Variants in HIPK2 observed in about 807,000 individuals in gnomAD.
The protein encoded by HIPK2 is homeodomain-interacting protein kinase 2.
In HIPK2, 27 loss-of-function variants were observed where a neutral mutation model predicts 113.7. The ratio of observed to expected loss-of-function variants is 0.24; its 90% CI spans 0.17 to 0.33. HIPK2 has a LOEUF of 0.33. HIPK2 is among the 10% of genes least tolerant of loss of function. The pLI, the probability that HIPK2 is intolerant of heterozygous loss-of-function variation, is 1.00. For missense variants in HIPK2, 1,257 were observed against 1,588.0 expected (o/e 0.79, Z 3.54); for synonymous variants, 631 against 642.2 (o/e 0.98, Z 0.26).
intron 2 of HIPK2, among the ~76,000 whole-genome samples, chr7:139,653,242 G>A (rs773663733): frequency 2.0e-5 from 3 of 151,776 alleles, no homozygotes; most frequent in African/African-American, 4.8e-5. Flanking sequence ...CAGAAACAGC[G>A]TCACTGTCAT....
At chr7:139,723,353 C>A (rs142063939) in intron 1 of HIPK2, among the ~76,000 whole-genome samples, 208 of 152,156 alleles carry the variant, frequency 1.4e-3, no homozygotes, top group African/African-American at 4.6e-3. Flanking sequence ...GCCACCACGC[C>A]CAGCTAATAT....
rs372967609 is a variant in HIPK2 at position 139,748,030 on chromosome 7, A to AT, written c.19+29574dup. ...TGACATTTAAACTTGCAGGTGGCCA[A>AT]TTTTTTTTTTTAACTGTCACTTTGT... is the stretch of plus-strand genomic sequence containing the variant. On this transcript the variant is annotated intron_variant, in intron 1 of 14. Coordinates refer to ENST00000406875, the MANE Select transcript of HIPK2 (RefSeq NM_022740.5). Among the ~76,000 whole-genome samples, 1,424 of 148,314 alleles carry AT rather than the reference A, an allele frequency of 9.6e-3. 24 individuals are homozygous for AT. Among genetic ancestry groups the AT allele is most frequent in the African/African-American group, 0.033 (1,325 of 40,580 alleles).
At chr7:139,644,179 A>G (rs1253227513) in intron 2 of HIPK2, among the ~76,000 whole-genome samples, 1 of 151,718 alleles carries the variant, frequency 6.6e-6, no homozygotes, top group Non-Finnish European at 1.5e-5. Context: ...CTTTTTTTTT[A>G]ATTATGAAAG....
intron 2 of HIPK2, among the ~76,000 whole-genome samples, chr7:139,701,605 G>A (rs1056207462): frequency 1.2e-4 from 18 of 152,148 alleles, no homozygotes; most frequent in Non-Finnish European, 2.5e-4. Context: ...CGTGTTCACC[G>A]TACAACCAGT....
At chr7:139,713,210 G>A (rs1441486811) in intron 2 of HIPK2, among the ~76,000 whole-genome samples, 2 of 152,126 alleles carry the variant, frequency 1.3e-5, no homozygotes, top group East Asian at 3.9e-4. Context: ...CAGCAAACCA[G>A]CCTACCACAC....
intron 1 of HIPK2, among the ~76,000 whole-genome samples, chr7:139,741,104 G>T (rs1476350850): frequency 6.6e-6 from 1 of 152,132 alleles, no homozygotes; most frequent in African/African-American, 2.4e-5. Context: ...CTGAGATCGC[G>T]CCACTGCACT....
At chr7:139,646,243 G>A (rs1801217692) in intron 2 of HIPK2, among the ~76,000 whole-genome samples, 1 of 152,134 alleles carries the variant, frequency 6.6e-6, no homozygotes, top group Non-Finnish European at 1.5e-5. Flanking sequence ...CCCATGCACT[G>A]CCAGCACTTT....
chr7:139,563,809 G>A lies in HIPK2; in HGVS notation c.*9118C>T. 1 of 398,554 alleles carries A rather than the reference G, an allele frequency of 2.5e-6. No individual in the cohort carries two copies. Among genetic ancestry groups the A allele is most frequent in the Non-Finnish European group, 4.4e-6 (1 of 226,056 alleles). 24.7% of individuals were successfully genotyped at this position (398,554 alleles called of 1,614,324 possible). On this transcript the variant is annotated 3_prime_UTR_variant, in exon 15 of 15. Coordinates refer to ENST00000406875, the MANE Select transcript of HIPK2 (RefSeq NM_022740.5). ...TTTTTGTATTTTTTAAAAGCTCCCT[G>A]GTCCCAGGTGTTTTGCAGTTTTCAA...
intron 1 of HIPK2, among the ~76,000 whole-genome samples, chr7:139,745,146 C>G (rs2117091121): frequency 6.6e-6 from 1 of 152,330 alleles, no homozygotes; most frequent in Non-Finnish European, 1.5e-5. Flanking sequence ...GGTCAACAGG[C>G]ATTCACCAAC....
intron 2 of HIPK2, among the ~76,000 whole-genome samples, chr7:139,674,155 C>T (rs1036697709): frequency 7.2e-5 from 11 of 151,734 alleles, no homozygotes; most frequent in East Asian, 1.9e-4. Context: ...ATAAAAAAGA[C>T]GGTGCCAATA....
chr7:139,676,286 C>T (rs561823619), intron 2 of HIPK2, among the ~76,000 whole-genome samples: 1 of 152,330 alleles, frequency 6.6e-6, no homozygotes, highest in East Asian at 1.9e-4. Flanking sequence ...TTTGCTAACC[C>T]TGGCAAGGGA....
At chr7:139,747,901 C>T (rs753042057) in intron 1 of HIPK2, among the ~76,000 whole-genome samples, 1 of 152,196 alleles carries the variant, frequency 6.6e-6, no homozygotes, top group Non-Finnish European at 1.5e-5. Context: ...GGCCACATTT[C>T]AAGTGCTTAC....
At chr7:139,771,783 G>A (rs1243621936) in intron 1 of HIPK2, among the ~76,000 whole-genome samples, 4 of 152,174 alleles carry the variant, frequency 2.6e-5, no homozygotes, top group Non-Finnish European at 4.4e-5. Flanking sequence ...AGAGAAAGGA[G>A]ATGCTTTCAG....
At chr7:139,746,384 C>T (rs1051756410) in intron 1 of HIPK2, among the ~76,000 whole-genome samples, 1 of 152,210 alleles carries the variant, frequency 6.6e-6, no homozygotes, top group Non-Finnish European at 1.5e-5. Context: ...TTGGGCCTAA[C>T]AGTGCTCATC....
At chr7:139,746,556 T>C (rs968894092) in intron 1 of HIPK2, among the ~76,000 whole-genome samples, 1 of 152,174 alleles carries the variant, frequency 6.6e-6, no homozygotes, top group African/African-American at 2.4e-5. Context: ...GCACTACCAA[T>C]ATAAGCATCA....
At chr7:139,652,964 C>A (rs1167695444) in intron 2 of HIPK2, among the ~76,000 whole-genome samples, 1 of 151,782 alleles carries the variant, frequency 6.6e-6, no homozygotes, top group Non-Finnish European at 1.5e-5. Flanking sequence ...CATGGTAAAA[C>A]CCCACCTCTA....
intron 1 of HIPK2, among the ~76,000 whole-genome samples, chr7:139,773,375 C>T (rs1341836373): frequency 6.6e-6 from 1 of 152,280 alleles, no homozygotes; most frequent in East Asian, 1.9e-4. Context: ...CGAGTTTGGG[C>T]CTTTCAAGTT....
chr7:139,739,801 G>A (rs949684643), intron 1 of HIPK2, among the ~76,000 whole-genome samples: 2 of 152,020 alleles, frequency 1.3e-5, no homozygotes, highest in Non-Finnish European at 2.9e-5. Context: ...CATATAAATG[G>A]TATCACACAA....
At chr7:139,614,545 G>A (rs1212291668) in intron 7 of HIPK2, 52 bp from the exon 8 acceptor site, 1 of 1,155,124 alleles carries the variant, frequency 8.7e-7, no homozygotes, top group African/African-American at 1.6e-5. Context: ...AAAAATGAGG[G>A]AGGTGGCATG....
Sources: allele counts gnomAD v4.1 joint callset (sites outside exome capture counted in the v4.1 genomes callset), GRCh38; gene constraint gnomAD v4.1.1; transcripts MANE v1.5; gene names NCBI Gene and HGNC (gene_info 2026-07-23, HGNC 2026-07-21).